STXBP3: variants seen among roughly 807,000 people sequenced by gnomAD.
STXBP3 encodes the protein syntaxin-binding protein 3.
STXBP3 carries 41 observed loss-of-function variants against 85.7 expected under a neutral mutation model. That is an observed-to-expected ratio of 0.48 (90% CI 0.37 to 0.62). The LOEUF is 0.62. STXBP3 is among the 20% of genes least tolerant of loss of function. The pLI is 0.00. For missense variants in STXBP3, 563 were observed against 703.1 expected (o/e 0.80, Z 2.25); for synonymous variants, 229 against 231.7 (o/e 0.99, Z 0.10).
At chr1:108,808,554 A>G (rs1473533843) in intron 18 of STXBP3, among the ~76,000 whole-genome samples, 1 of 152,190 alleles carries the variant, frequency 6.6e-6, no homozygotes, top group African/African-American at 2.4e-5. Flanking sequence ...AAAGTAGACA[A>G]AGCACTAGGA....
chr1:108,751,554 TTATGTATTAC>T (rs1300069727), intron 1 of STXBP3, among the ~76,000 whole-genome samples: 25 of 152,138 alleles, frequency 1.6e-4, no homozygotes, highest in African/African-American at 4.6e-4. Flanking sequence ...TAATTATATT[TTATGTATTAC>T]TATGTATTAC....
At chr1:108,770,196 T>A (rs937767131) in intron 6 of STXBP3, among the ~76,000 whole-genome samples, 2 of 151,918 alleles carry the variant, frequency 1.3e-5, no homozygotes, top group African/African-American at 4.8e-5. Context: ...CGTGGGAGGC[T>A]GAAATTGAGG....
chr1:108,792,567 A>T (rs1441793332), intron 11 of STXBP3, among the ~76,000 whole-genome samples: 1 of 152,230 alleles, frequency 6.6e-6, no homozygotes, highest in Non-Finnish European at 1.5e-5. Context: ...TATGTTAACT[A>T]TAGCCATCAT....
intron 6 of STXBP3, among the ~76,000 whole-genome samples, chr1:108,760,779 A>G (rs1662123698): frequency 6.6e-6 from 1 of 152,216 alleles, no homozygotes; most frequent in South Asian, 2.1e-4. Flanking sequence ...GGATTCTAGC[A>G]TTTTATAGAA....
chr1:108,785,299 C>T (rs753221078), intron 11 of STXBP3, among the ~76,000 whole-genome samples: 2 of 152,192 alleles, frequency 1.3e-5, no homozygotes, highest in Non-Finnish European at 2.9e-5. Flanking sequence ...AGCAGAGGTT[C>T]CCAAACCTCA....
chr1:108,773,673 C>T (rs1293834338), intron 7 of STXBP3, among the ~76,000 whole-genome samples: 1 of 152,074 alleles, frequency 6.6e-6, no homozygotes, highest in Admixed American at 6.6e-5. Context: ...ACACTACACA[C>T]ACATCCACAC....
At chr1:108,771,532 T>A (rs1430637119) in intron 6 of STXBP3, among the ~76,000 whole-genome samples, 46 of 29,868 alleles carry the variant, frequency 1.5e-3, no homozygotes, top group African/African-American at 3.1e-3. Context: ...GATATATATC[T>A]ATATATATCA....
Position 108,790,673 on chromosome 1 carries a change from C to T in STXBP3, c.964-2909C>T, listed in dbSNP as rs145546446. Among the ~76,000 whole-genome samples the T allele has an allele frequency of 6.0e-3, 906 of 151,582 alleles. 9 individuals are homozygous for T. Among genetic ancestry groups the T allele is most frequent in the African/African-American group, 0.021 (865 of 41,350 alleles). On this transcript the variant is annotated intron_variant, in intron 11 of 18. Transcript: ENST00000370008. ...ATCAAGTCTTTTTTAAAAATAAATT[C>T]CATTTCATCTCCAATATAAACATTT...
At chr1:108,808,252 C>T (rs535638783) in intron 18 of STXBP3, among the ~76,000 whole-genome samples, 1 of 152,182 alleles carries the variant, frequency 6.6e-6, no homozygotes, top group Non-Finnish European at 1.5e-5. Flanking sequence ...TGGCTCAGGC[C>T]TGTAATTCCA....
chr1:108,752,210 GTT>G, intron 1 of STXBP3, 45 bp from the exon 2 acceptor site: 1 of 1,564,520 alleles, frequency 6.4e-7, no homozygotes, highest in South Asian at 1.2e-5. Context: ...GGATTACTAT[GTT>G]TCTGTTTATT....
chr1:108,796,534 G>A (rs1663103902), intron 14 of STXBP3, 86 bp from the exon 15 acceptor site: 5 of 1,278,456 alleles, frequency 3.9e-6, no homozygotes, highest in East Asian at 2.5e-5. Context: ...TATTTTAAAA[G>A]CTTCATTCAT....
At position 108,790,489 on chromosome 1, in the gene STXBP3, G is replaced by A. The variant is rs187183781; in HGVS notation, c.964-3093G>A. ...ATTTAAAATGTGCTTCTTAAAAAGA[G>A]CTTGTAGTTGAATTTTGTTTTTTTA... On this transcript the variant is annotated intron_variant, in intron 11 of 18. Coordinates refer to ENST00000370008, the MANE Select transcript of STXBP3 (RefSeq NM_007269.4). 2.4e-4 allele frequency among the ~76,000 whole-genome samples: 37 copies of A among 151,924 alleles called. No individual in the cohort carries two copies. The East Asian group carries it at 6.9e-3, about 29-fold the overall frequency.
chr1:108,760,006 A>C lies in STXBP3; in HGVS notation c.359A>C (p.Asn120Thr), dbSNP rs1662103819. The part of the protein sequence containing the change: ...FTDFCPDNLF[N>T]KIKASCSKSI... ...TCAGTTTGCCCTGATAATCTCTTTA[A>C]CAAAATTAAGGCTTCTTGCTCCAAG... is the stretch of plus-strand genomic sequence containing the variant. Residue 120 changes from asparagine to threonine, a missense_variant, in exon 6 of 19, where the codon AAC (asparagine) becomes ACC (threonine). By Grantham distance (65) the Asn-to-Thr change is moderately conservative. Coordinates refer to ENST00000370008, the MANE Select transcript of STXBP3 (RefSeq NM_007269.4). 6.4e-7 allele frequency: 1 copy of C among 1,574,762 alleles called. No homozygotes were observed. Among genetic ancestry groups the C allele is most frequent in the African/African-American group, 1.4e-5 (1 of 72,196 alleles).
chr1:108,767,641 G>A (rs1401153208), intron 6 of STXBP3: 1 of 152,972 alleles, frequency 6.5e-6, no homozygotes, highest in African/African-American at 2.4e-5. Flanking sequence ...CGCAAGGTGG[G>A]CGGCCCAATT....
At chr1:108,804,636 C>T (rs1049588075) in intron 17 of STXBP3, among the ~76,000 whole-genome samples, 1 of 152,196 alleles carries the variant, frequency 6.6e-6, no homozygotes, top group Non-Finnish European at 1.5e-5. Flanking sequence ...TTTGCATGTG[C>T]TTTTGCCAGA....
At chr1:108,750,732 C>G (rs1282712515) in intron 1 of STXBP3, among the ~76,000 whole-genome samples, 1 of 152,182 alleles carries the variant, frequency 6.6e-6, no homozygotes, top group Non-Finnish European at 1.5e-5. Flanking sequence ...ACTGCCTTCA[C>G]TTCAAATGCC....
chr1:108,804,000 T>G (rs1446525505), intron 17 of STXBP3, among the ~76,000 whole-genome samples: 1 of 152,210 alleles, frequency 6.6e-6, no homozygotes, highest in African/African-American at 2.4e-5. Context: ...TTTCTCTGGT[T>G]GTTTTTTGTC....
chr1:108,808,571 G>A (rs1343502567), intron 18 of STXBP3, among the ~76,000 whole-genome samples: 2 of 152,192 alleles, frequency 1.3e-5, no homozygotes, highest in South Asian at 2.1e-4. Context: ...AGGAATGGCC[G>A]CTGTTTCTGA....
intron 6 of STXBP3, chr1:108,767,028 A>T: frequency 2.2e-6 from 1 of 462,198 alleles, no homozygotes; most frequent in Non-Finnish European, 4.4e-6. Context: ...GTCACCAACC[A>T]TCACACAGTC....
Sources: gnomAD v4.1 joint callset for allele counts (sites outside exome capture counted in the v4.1 genomes callset) on GRCh38, gnomAD v4.1.1 for gene constraint, MANE v1.5 for transcripts, NCBI Gene and HGNC (gene_info 2026-07-23, HGNC 2026-07-21) for gene names.